TAF1: variants seen among roughly 807,000 people sequenced by gnomAD.
TAF1 encodes TATA-box binding protein associated factor 1.
A neutral mutation model predicts 138.5 loss-of-function variants in TAF1; 2 were observed. The ratio of observed to expected loss-of-function variants is 0.01; its 90% CI spans 0.01 to 0.05. The LOEUF (loss-of-function observed/expected upper bound fraction) is 0.05, where lower values mean the gene tolerates loss of function less well. Ranked by LOEUF, TAF1 falls within the 10% of genes least tolerant of loss-of-function variation. The probability of loss-of-function intolerance (pLI) is 1.00; values close to 1 mark genes in which losing one functional copy is unlikely to be tolerated. For synonymous variants in TAF1, 437 were observed against 503.2 expected, an observed-to-expected ratio of 0.87 and a Z score of 1.76; for missense variants, 709 against 1,478.0, an observed-to-expected ratio of 0.48 and a Z score of 8.53.
rs770736963 is a variant in TAF1, at chrX:71,375,016, C to T, written c.353-151C>T. Reference sequence around the variant, plus strand: ...AGGAGAACTCGGGAGGTGGAGGTTGCAGTCAGCTGAGATTGCACCGCTGCA... The same window carrying T: ...AGGAGAACTCGGGAGGTGGAGGTTGTAGTCAGCTGAGATTGCACCGCTGCA... On this transcript the variant is annotated intron_variant, in intron 3 of 37. Transcript: ENST00000423759. 4.5e-5 allele frequency: 31 copies of T among 685,246 alleles called. No homozygotes were observed. The African/African-American group carries it at 6.4e-4, about 14-fold the overall frequency. The allele number at this position is 685,246 out of a possible 1,213,427, so 56.5% of individuals were successfully genotyped here.
rs2038722554 is a variant in TAF1, at chrX:71,465,473, G to C, written c.*1427G>C. On this transcript the variant is annotated 3_prime_UTR_variant, in exon 38 of 38. Coordinates refer to ENST00000423759, the MANE Select transcript of TAF1 (RefSeq NM_004606.5). ...AAGGCCACAGTCTAGAAATGGCAGAGTGTGTTCCTAGTTTGTTTGTTTGTT... is the reference window on the plus strand; with the variant it reads ...AAGGCCACAGTCTAGAAATGGCAGACTGTGTTCCTAGTTTGTTTGTTTGTT... 8.9e-6 allele frequency: 1 copy of C among 111,804 alleles called. No individual in the cohort carries two copies. The highest frequency in any genetic ancestry group is 1.9e-5 in the Non-Finnish European group (1 of 53,190). The allele number at this position is 111,804 out of a possible 1,213,427, so 9.2% of individuals were successfully genotyped here.
chrX:71,471,333 AT>A (rs1378490221), intron 13 of TAF1, among the ~76,000 whole-genome samples: 27 of 93,326 alleles, frequency 2.9e-4, no homozygotes, highest in Admixed American at 1.2e-3. Flanking sequence ...AAAAAAAAAA[AT>A]ATATATATAT....
intron 22 of TAF1, among the ~76,000 whole-genome samples, chrX:71,396,588 G>A (rs1170056766): frequency 1.8e-5 from 2 of 111,356 alleles, no homozygotes; most frequent in African/African-American, 6.5e-5. Context: ...CACTGTACTC[G>A]GCCTTGTGTG....
chrX:71,444,604 C>T (rs1426728627), intron 32 of TAF1, among the ~76,000 whole-genome samples: 2 of 110,994 alleles, frequency 1.8e-5, no homozygotes, highest in Admixed American at 9.6e-5. Flanking sequence ...GTAGTCCCAG[C>T]TACTTGGGAG....
At chrX:71,407,917 G>A (rs943665929) in intron 27 of TAF1, 57 bp from the exon 28 acceptor site, 18 of 1,169,202 alleles carry the variant, frequency 1.5e-5, no homozygotes, top group Non-Finnish European at 2.1e-5. Flanking sequence ...AAAGTCTTCA[G>A]GAATTGGCTC....
At chrX:71,493,805 A>ACCC (rs2039343312) in intron 13 of TAF1, among the ~76,000 whole-genome samples, 1 of 111,307 alleles carries the variant, frequency 9.0e-6, no homozygotes, top group Non-Finnish European at 1.9e-5. Context: ...CAACACAGGG[A>ACCC]GACCTCCACC....
At chrX:71,423,360 T>TA in intron 30 of TAF1, 121 bp downstream of exon 30, 1 of 1,033,744 alleles carries the variant, frequency 9.7e-7, no homozygotes, top group Non-Finnish European at 1.3e-6. Context: ...TTGTGACTGG[T>TA]ATGTGATTTT....
chrX:71,442,636 CT>C (rs757215319), intron 32 of TAF1, among the ~76,000 whole-genome samples: 5 of 111,914 alleles, frequency 4.5e-5, no homozygotes, highest in South Asian at 7.4e-4. Context: ...ATGGTAGTTT[CT>C]TTTGCTGTGC....
intron 25 of TAF1, among the ~76,000 whole-genome samples, chrX:71,403,911 C>CTT (rs34947744): frequency 4.6e-5 from 4 of 86,209 alleles, no homozygotes; most frequent in African/African-American, 4.2e-5. Context: ...TTTTTTTTTT[C>CTT]TTTTTTTTTT....
At chrX:71,475,305 G>T (rs771635931) in intron 13 of TAF1, among the ~76,000 whole-genome samples, 2 of 111,745 alleles carry the variant, frequency 1.8e-5, no homozygotes, top group Non-Finnish European at 3.8e-5. Flanking sequence ...AGCTAGAGGC[G>T]TCAGGCGCAG....
Position 71,375,243 on chromosome X carries a change from G to A in TAF1, c.429G>A (p.Pro143=), listed in dbSNP as rs750523814. The A allele has an allele frequency of 2.5e-6, 3 of 1,210,608 alleles. No individual in the cohort carries two copies. The highest frequency in any genetic ancestry group is 2.2e-5 in the Admixed American group (1 of 45,825). The change falls in exon 4 of 38, where the codon CCG becomes CCA. Residue 143 remains proline, a synonymous_variant. Coordinates refer to ENST00000423759, the MANE Select transcript of TAF1 (RefSeq NM_004606.5). ...TGATGCCTCCTCCACCTCCACCCCC[G>A]GGACCAATGAAGAAGGATAAGGACC... is the stretch of plus-strand genomic sequence containing the variant. The part of the protein sequence containing the change: ...CKLMPPPPPP[P]GPMKKDKDQD...
intron 2 of TAF1, among the ~76,000 whole-genome samples, chrX:71,367,831 C>T (rs1040774168): frequency 9.0e-6 from 1 of 111,307 alleles, no homozygotes; most frequent in African/African-American, 3.3e-5. Context: ...CCACCACGCC[C>T]GGCTAATTTT....
intron 13 of TAF1, among the ~76,000 whole-genome samples, chrX:71,517,828 C>G (rs114214893): frequency 0.019 from 2,129 of 111,418 alleles, 47 homozygotes; most frequent in African/African-American, 0.066. Context: ...GCTACATTGC[C>G]CAGGCTGGAG....
At chrX:71,421,594 C>T (rs2036347723) in intron 29 of TAF1, among the ~76,000 whole-genome samples, 1 of 111,833 alleles carries the variant, frequency 8.9e-6, no homozygotes, top group African/African-American at 3.2e-5. Context: ...TTGCTCTGGA[C>T]ATCTTGACTA....
At chrX:71,516,895 T>A (rs1383924398) in intron 13 of TAF1, among the ~76,000 whole-genome samples, 2 of 110,038 alleles carry the variant, frequency 1.8e-5, no homozygotes, top group African/African-American at 3.3e-5. Context: ...TCTTTTTTTT[T>A]AATTTTTATT....
chrX:71,513,981 G>C (rs1324190563), intron 13 of TAF1, among the ~76,000 whole-genome samples: 1 of 111,593 alleles, frequency 9.0e-6, no homozygotes, highest in East Asian at 2.8e-4. Flanking sequence ...AATAAAAGCT[G>C]GCCACACCCA....
chrX:71,523,074 C>T (rs1431898946), intron 13 of TAF1, among the ~76,000 whole-genome samples: 7 of 105,466 alleles, frequency 6.6e-5, no homozygotes, highest in African/African-American at 2.4e-4. Flanking sequence ...CCCCACCACT[C>T]AGGAGGCTGA....
chrX:71,456,103 A>C (rs2148821060), intron 34 of TAF1, among the ~76,000 whole-genome samples: 1 of 111,798 alleles, frequency 8.9e-6, no homozygotes, highest in East Asian at 2.8e-4. Flanking sequence ...CACAGCTTCC[A>C]CAAGGTACTT....
At chrX:71,407,811 G>A in intron 27 of TAF1, 139 bp downstream of exon 27, 15 of 972,559 alleles carry the variant, frequency 1.5e-5, no homozygotes, top group Non-Finnish European at 2.1e-5. Flanking sequence ...TTTTTTGTTT[G>A]TTTGTTTTTT....
Sources: allele counts gnomAD v4.1 joint callset (sites outside exome capture counted in the v4.1 genomes callset), GRCh38; gene constraint gnomAD v4.1.1; transcripts MANE v1.5; gene names NCBI Gene and HGNC (gene_info 2026-07-23, HGNC 2026-07-21).